NTSR1: variants seen among roughly 807,000 people sequenced by gnomAD.
The protein encoded by NTSR1 is neurotensin receptor 1, also known as neurotensin receptor type 1.
A neutral mutation model predicts 31.2 loss-of-function variants in NTSR1; 29 were observed. The observed-to-expected ratio is 0.93, with a 90% CI of 0.69 to 1.27. NTSR1 has a LOEUF of 1.27. Ranked by LOEUF, NTSR1 falls within the 50% of genes most tolerant of loss-of-function variation. NTSR1 has a pLI of 0.00. For missense variants in NTSR1, 697 were observed against 595.4 expected, an observed-to-expected ratio of 1.17 and a Z score of -1.78; for synonymous variants, 282 against 269.9, an observed-to-expected ratio of 1.04 and a Z score of -0.44.
chr20:62,744,970 A>G lies in NTSR1; in HGVS notation c.715-9715A>G, dbSNP rs1195512659. Among the ~76,000 whole-genome samples the G allele has an allele frequency of 1.3e-5, 2 of 152,144 alleles. No homozygotes were observed. The highest frequency in any genetic ancestry group is 1.5e-5 in the Non-Finnish European group (1 of 68,018). On this transcript the variant is annotated intron_variant, in intron 1 of 3. Coordinates refer to ENST00000370501, the MANE Select transcript of NTSR1 (RefSeq NM_002531.3). This position sits in a 1 kb window ranked among gnomAD's most constrained non-coding sequence, Gnocchi z 4.1. The stretch of plus-strand genomic sequence containing the variant: ...GGATACTGCCAGAAGCACGAATGAG[A>G]TTCCCATGGAGGCAGCCCCACCTCC...
intron 1 of NTSR1, among the ~76,000 whole-genome samples, chr20:62,716,905 T>A (rs1988738083): frequency 6.6e-6 from 1 of 152,238 alleles, no homozygotes; most frequent in Non-Finnish European, 1.5e-5. Context: ...GGGGTCTGCC[T>A]GTCTCAGAGA....
chr20:62,730,813 C>T (rs184764164), intron 1 of NTSR1, among the ~76,000 whole-genome samples: 207 of 152,276 alleles, frequency 1.4e-3, no homozygotes, highest in African/African-American at 4.7e-3. Context: ...TTGTTTTAAT[C>T]GACATTTCTC....
rs1198622444 is a variant in NTSR1 at position 62,741,053 on chromosome 20, C to T, written c.715-13632C>T. ...GGAGGGCCGTTCCCGGGGCTGAGGG[C>T]CAGGGGCCTCCCCTCCTCCTGTCCT... On this transcript the variant is annotated intron_variant, in intron 1 of 3. Coordinates refer to ENST00000370501, the MANE Select transcript of NTSR1 (RefSeq NM_002531.3). This position sits in a 1 kb window ranked among gnomAD's most constrained non-coding sequence, Gnocchi z 4.3. Among the ~76,000 whole-genome samples the T allele has an allele frequency of 6.6e-6, 1 of 152,196 alleles. No individual in the cohort carries two copies. The highest frequency in any genetic ancestry group is 6.5e-5 in the Admixed American group (1 of 15,290).
chr20:62,722,459 G>A (rs754283785), intron 1 of NTSR1, among the ~76,000 whole-genome samples: 2 of 152,116 alleles, frequency 1.3e-5, no homozygotes, highest in Non-Finnish European at 2.9e-5. Flanking sequence ...TAAGCCTTTC[G>A]TGGCCTTGTT....
intron 1 of NTSR1, among the ~76,000 whole-genome samples, chr20:62,712,894 A>G (rs760421481): frequency 2.6e-5 from 4 of 152,158 alleles, no homozygotes; most frequent in Non-Finnish European, 5.9e-5. Flanking sequence ...GATGGCCCAG[A>G]TGGTGGGTCA....
chr20:62,720,942 A>G (rs1367740660), intron 1 of NTSR1, among the ~76,000 whole-genome samples: 1 of 152,136 alleles, frequency 6.6e-6, no homozygotes, highest in African/African-American at 2.4e-5. Context: ...GATTTTCCAG[A>G]TATTACTTTT....
At position 62,758,995 on chromosome 20, in the gene NTSR1, G is replaced by T. The variant is rs866329843; in HGVS notation, c.1007+639G>T. Among the ~76,000 whole-genome samples the T allele has an allele frequency of 1.3e-5, 2 of 152,176 alleles. No individual in the cohort carries two copies. Among genetic ancestry groups the T allele is most frequent in the Non-Finnish European group, 2.9e-5 (2 of 68,024 alleles). ...AGGGAGCCCTTCTCACCCAAAAATG[G>T]CAGAGCCTTCCCAAAATCCAAGGCC... is the stretch of plus-strand genomic sequence containing the variant. On this transcript the variant is annotated intron_variant, in intron 3 of 3. Transcript: ENST00000370501. This position sits in a 1 kb window ranked among gnomAD's most constrained non-coding sequence, Gnocchi z 4.5.
At chr20:62,736,627 G>T (rs549997168) in intron 1 of NTSR1, among the ~76,000 whole-genome samples, 55 of 152,316 alleles carry the variant, frequency 3.6e-4, no homozygotes, top group African/African-American at 1.3e-3. Context: ...CTGGCCTGTG[G>T]CTCCCAGGGA....
rs932473469 is a variant in NTSR1 at position 62,732,792 on chromosome 20, C to T, written c.715-21893C>T. On this transcript the variant is annotated intron_variant, in intron 1 of 3. Coordinates refer to ENST00000370501, the MANE Select transcript of NTSR1 (RefSeq NM_002531.3). This position sits in a 1 kb window ranked among gnomAD's most constrained non-coding sequence, Gnocchi z 4.0. Reference sequence around the variant, plus strand: ...CTGTAGAGAGTATCTATCATCTGTTCCTTAAATGCAAGGTAGAATTCTAAG... The same window carrying T: ...CTGTAGAGAGTATCTATCATCTGTTTCTTAAATGCAAGGTAGAATTCTAAG... The T allele has an allele frequency of 1.3e-5, 2 of 152,180 alleles. No homozygotes were observed. The highest frequency in any genetic ancestry group is 2.9e-5 in the Non-Finnish European group (2 of 68,040). The allele number at this position is 152,180 out of a possible 1,614,324, so 9.4% of individuals were successfully genotyped here. A position where few individuals can be genotyped will look rare whatever the true frequency, so the allele number is the denominator to read the frequency against.
intron 1 of NTSR1, among the ~76,000 whole-genome samples, chr20:62,710,611 G>C (rs934603955): frequency 1.3e-5 from 2 of 152,148 alleles, no homozygotes; most frequent in African/African-American, 4.8e-5. Flanking sequence ...GTTGTGGTGA[G>C]GTGTGTAAAA....
intron 1 of NTSR1, among the ~76,000 whole-genome samples, chr20:62,739,941 A>C (rs1303900557): frequency 6.6e-6 from 1 of 152,230 alleles, no homozygotes; most frequent in Non-Finnish European, 1.5e-5. Flanking sequence ...TGGAAAGTTA[A>C]GTCGTGCTGG....
intron 1 of NTSR1, among the ~76,000 whole-genome samples, chr20:62,751,296 T>G (rs554616529): frequency 2.0e-5 from 3 of 152,178 alleles, no homozygotes; most frequent in Non-Finnish European, 4.4e-5. Context: ...CGGTTTTTGG[T>G]TTTAGGTTTT....
At position 62,757,382 on chromosome 20, in the gene NTSR1, C is replaced by T. The variant is rs182854827; in HGVS notation, c.917-884C>T. Among the ~76,000 whole-genome samples the T allele has an allele frequency of 3.7e-4, 57 of 152,274 alleles. 1 individual carries two copies. The highest frequency in any genetic ancestry group is 1.2e-3 in the Admixed American group (19 of 15,308). ...TCACTTGACCATAAAGGTAAGGGTT[C>T]GTTTCTGAGATTTCTAGTCTATTCC... is the stretch of plus-strand genomic sequence containing the variant. On this transcript the variant is annotated intron_variant, in intron 2 of 3. Transcript: ENST00000370501.
Position 62,733,652 on chromosome 20 carries a change from G to A in NTSR1, c.715-21033G>A, listed in dbSNP as rs889841132. 2.6e-5 allele frequency among the ~76,000 whole-genome samples: 4 copies of A among 152,050 alleles called. No homozygotes were observed. The highest frequency in any genetic ancestry group is 6.5e-5 in the Admixed American group (1 of 15,270). On this transcript the variant is annotated intron_variant, in intron 1 of 3. Transcript: ENST00000370501. The surrounding 1 kb of genome is among the most constrained non-coding windows in gnomAD (Gnocchi z 5.2). ...GAAAAAGAGGGAGATAGAGAAGAGA[G>A]AGGGAGAGAGAAAAGGAAAGAGAGG...
At chr20:62,731,059 C>A (rs1468944467) in intron 1 of NTSR1, among the ~76,000 whole-genome samples, 1 of 151,904 alleles carries the variant, frequency 6.6e-6, no homozygotes, top group Non-Finnish European at 1.5e-5. Flanking sequence ...ATTTTTAGAG[C>A]GTTTTTGTTT....
intron 1 of NTSR1, among the ~76,000 whole-genome samples, chr20:62,750,690 C>CAAAAAAAAAAA (rs59850535): frequency 1.8e-5 from 1 of 55,154 alleles, no homozygotes; most frequent in Non-Finnish European, 4.3e-5. Context: ...GACTCCGTCT[C>CAAAAAAAAAAA]AAAAAAAAAA....
chr20:62,743,855 G>A lies in NTSR1; in HGVS notation c.715-10830G>A, dbSNP rs1361830240. ...TCGAGGGGCTGAGGCCGGCTGTCTGGAGCCTGTGTCGGGGGCACCCTCCTG... is the reference window on the plus strand; with the variant it reads ...TCGAGGGGCTGAGGCCGGCTGTCTGAAGCCTGTGTCGGGGGCACCCTCCTG... On this transcript the variant is annotated intron_variant, in intron 1 of 3. Transcript: ENST00000370501. This position sits in a 1 kb window ranked among gnomAD's most constrained non-coding sequence, Gnocchi z 7.5. 6.6e-6 allele frequency among the ~76,000 whole-genome samples: 1 copy of A among 152,116 alleles called. No individual in the cohort carries two copies. The highest frequency in any genetic ancestry group is 1.5e-5 in the Non-Finnish European group (1 of 68,006).
At chr20:62,747,764 A>G (rs544025576) in intron 1 of NTSR1, among the ~76,000 whole-genome samples, 1 of 144,650 alleles carries the variant, frequency 6.9e-6, no homozygotes, top group African/African-American at 2.8e-5. Context: ...AAAAACAAAA[A>G]CAAAAACAAA....
At chr20:62,717,145 G>C (rs987784753) in intron 1 of NTSR1, among the ~76,000 whole-genome samples, 8 of 152,244 alleles carry the variant, frequency 5.3e-5, no homozygotes, top group Non-Finnish European at 1.0e-4. Flanking sequence ...TGCCAGTGGG[G>C]CACCACCCAC....
Sources: allele counts gnomAD v4.1 joint callset (sites outside exome capture counted in the v4.1 genomes callset), GRCh38; gene constraint gnomAD v4.1.1; non-coding constraint Gnocchi (gnomAD v3.1); transcripts MANE v1.5; gene names NCBI Gene and HGNC (gene_info 2026-07-23, HGNC 2026-07-21).